The following CANX variants were observed in gnomAD, a reference collection of about 807,000 sequenced individuals.
CANX encodes calnexin.
Under a neutral mutation model 75.7 loss-of-function variants are expected in CANX, and 14 were observed. That is an observed-to-expected ratio of 0.19 (90% CI 0.12 to 0.29). The LOEUF is 0.29. Among genes scored for constraint, CANX ranks in the 10% least tolerant of loss-of-function variants. CANX has a pLI of 1.00. For synonymous variants in CANX, 227 were observed against 236.9 expected (o/e 0.96, Z 0.38); for missense variants, 567 against 713.2 (o/e 0.79, Z 2.34).
chr5:179,695,158 T>C (rs1581825646), upstream of CANX, among the ~76,000 whole-genome samples: 4 of 151,986 alleles, frequency 2.6e-5, no homozygotes, highest in South Asian at 8.3e-4. Context: ...CACGCCATTC[T>C]CCTGCCCCAG....
intron 1 of CANX, chr5:179,678,897 A>T: frequency 2.0e-6 from 3 of 1,534,900 alleles, no homozygotes; most frequent in Non-Finnish European, 1.7e-6. Context: ...TCAGTGGTCC[A>T]CCGCCCGCCG....
At chr5:179,704,946 AG>A in intron 1 of CANX, among the ~76,000 whole-genome samples, 1 of 152,178 alleles carries the variant, frequency 6.6e-6, no homozygotes, top group East Asian at 1.9e-4. Context: ...ATGATATTTG[AG>A]CAACCGTATC....
In CANX at chr5:179,708,397, T is replaced by C. The variant is rs1166910696; in HGVS notation, c.446+17T>C. 9 of 1,609,124 alleles carry C rather than the reference T, an allele frequency of 5.6e-6. No individual in the cohort carries two copies. In the Admixed American group the frequency reaches 6.7e-5, roughly 12 times the overall value. ...CATTGTTCAGTAAGTGAAATGCTTG[T>C]TGGATAAAAGCTTTCTGCAAAGGGT... is the stretch of plus-strand genomic sequence containing the variant. On this transcript the variant is annotated intron_variant, in intron 5 of 14. Coordinates refer to ENST00000247461, the MANE Select transcript of CANX (RefSeq NM_001746.4).
In CANX at chr5:179,708,225, G is replaced by A. The variant is rs1221668360; in HGVS notation, c.305-14G>A. 1 of 1,611,474 alleles carries A rather than the reference G, an allele frequency of 6.2e-7. No homozygotes were observed. The highest frequency in any genetic ancestry group is 8.5e-7 in the Non-Finnish European group (1 of 1,178,538). On this transcript the variant is annotated splice_polypyrimidine_tract_variant and intron_variant, in intron 4 of 14. Coordinates refer to ENST00000247461, the MANE Select transcript of CANX (RefSeq NM_001746.4). ...TAGAGTTAAGCAGTGGAACTTTTTTGTGTTGTCTTGTAGGAAAGTGGGAGG... is the reference window on the plus strand; with the variant it reads ...TAGAGTTAAGCAGTGGAACTTTTTTATGTTGTCTTGTAGGAAAGTGGGAGG...
At chr5:179,681,911 G>A (rs1776072657) in intron 1 of CANX, among the ~76,000 whole-genome samples, 1 of 148,142 alleles carries the variant, frequency 6.8e-6, no homozygotes. Flanking sequence ...TTGTGCCACT[G>A]CACTCCAGCA....
In CANX at chr5:179,719,820, TTTTG is replaced by T. The variant is rs778164792; in HGVS notation, c.1025+47_1025+50del. ...TTAACTTTTTTTAATTACCTGGTTT[TTTTG>T]TTTGTTTTTTTTTTTGAGATGGAGT... On this transcript the variant is annotated intron_variant, in intron 9 of 14. Coordinates refer to ENST00000247461, the MANE Select transcript of CANX (RefSeq NM_001746.4). The T allele has an allele frequency of 7.0e-6, 8 of 1,144,004 alleles. No individual in the cohort carries two copies. The African/African-American group carries it at 9.4e-5, about 13-fold the overall frequency. The allele number at this position is 1,144,004 out of a possible 1,614,324, so 70.9% of individuals were successfully genotyped here. A position where few individuals can be genotyped will look rare whatever the true frequency, so the allele number is the denominator to read the frequency against.
At chr5:179,698,952 G>T, upstream of CANX, 1 of 1,117,164 alleles carries the variant, frequency 9.0e-7, no homozygotes, top group East Asian at 9.7e-5. Flanking sequence ...GTGCGGTGGG[G>T]CTCGCTCGCG....
chr5:179,692,041 A>G (rs1412589857), intron 1 of CANX, among the ~76,000 whole-genome samples: 2 of 147,268 alleles, frequency 1.4e-5, no homozygotes, highest in African/African-American at 5.0e-5. Context: ...CAGCCTCCCA[A>G]AGTGCTGGGA....
chr5:179,716,943 G>A (rs1292675634), intron 8 of CANX, among the ~76,000 whole-genome samples: 1 of 152,206 alleles, frequency 6.6e-6, no homozygotes, highest in Non-Finnish European at 1.5e-5. Flanking sequence ...ATTGAAGAAT[G>A]TCGTATGCAG....
At chr5:179,698,675 A>G, upstream of CANX, 1 of 1,095,040 alleles carries the variant, frequency 9.1e-7, no homozygotes, top group South Asian at 1.3e-5. Context: ...ACGCCTGTTA[A>G]ACCAGCCCCG....
At chr5:179,706,061 A>T (rs1474217876) in intron 2 of CANX, among the ~76,000 whole-genome samples, 197 bp from the exon 3 acceptor site, 1 of 152,162 alleles carries the variant, frequency 6.6e-6, no homozygotes, top group Non-Finnish European at 1.5e-5. Flanking sequence ...TTTCAAAGGG[A>T]AAGCAAAATT....
chr5:179,722,771 T>C lies in CANX; in HGVS notation c.1183-33T>C, dbSNP rs781534699. 4.7e-6 allele frequency: 7 copies of C among 1,473,856 alleles called. No homozygotes were observed. The South Asian group carries it at 7.0e-5, about 15-fold the overall frequency. 91.3% of individuals were successfully genotyped at this position (1,473,856 alleles called of 1,614,324 possible). A position where few individuals can be genotyped will look rare whatever the true frequency, so the allele number is the denominator to read the frequency against. Reference sequence around the variant, plus strand: ...CCATAAACTTTTGTTGATCATTATCTGAAATGATTTTCTGAAACATTTTTT... The same window carrying C: ...CCATAAACTTTTGTTGATCATTATCCGAAATGATTTTCTGAAACATTTTTT... On this transcript the variant is annotated intron_variant, in intron 10 of 14. Coordinates refer to ENST00000247461, the MANE Select transcript of CANX (RefSeq NM_001746.4).
At chr5:179,705,263 G>A (rs896239469) in intron 1 of CANX, among the ~76,000 whole-genome samples, 2 of 152,218 alleles carry the variant, frequency 1.3e-5, no homozygotes, top group Non-Finnish European at 1.5e-5. Context: ...GATTACAGGC[G>A]TGAGCCACGG....
chr5:179,719,317 G>A (rs62404349), intron 8 of CANX, among the ~76,000 whole-genome samples: 18,407 of 152,102 alleles, frequency 0.12, 1,419 homozygotes, highest in Non-Finnish European at 0.18. Context: ...GTACTAAGTG[G>A]TATCGTTTTG....
At chr5:179,687,181 C>T (rs980835490) in intron 1 of CANX, among the ~76,000 whole-genome samples, 1 of 152,058 alleles carries the variant, frequency 6.6e-6, no homozygotes. Context: ...TGGCTCACTG[C>T]GACCTCCACC....
chr5:179,705,698 T>G lies in CANX; in HGVS notation c.17T>G (p.Leu6Trp). The change falls in exon 2 of 15, where the codon TTG (leucine) becomes TGG (tryptophan). Residue 6 changes from leucine to tryptophan, a missense_variant. Leu to Trp is a moderately conservative substitution (Grantham distance 61). Coordinates refer to ENST00000247461, the MANE Select transcript of CANX (RefSeq NM_001746.4). Reference protein sequence around the residue: MEGKWLLCMLLVLGTA... With the variant: MEGKWWLCMLLVLGTA... Reference sequence around the variant, plus strand: ...GTGTAGATCATGGAAGGGAAGTGGTTGCTGTGTATGTTACTGGTGCTTGGA... The same window carrying G: ...GTGTAGATCATGGAAGGGAAGTGGTGGCTGTGTATGTTACTGGTGCTTGGA... 1 of 1,539,752 alleles carries G rather than the reference T, an allele frequency of 6.5e-7. No homozygotes were observed. The highest frequency in any genetic ancestry group is 1.8e-5 in the Admixed American group (1 of 54,938).
chr5:179,721,773 T>C (rs1476296278), intron 10 of CANX, among the ~76,000 whole-genome samples: 1 of 152,142 alleles, frequency 6.6e-6, no homozygotes, highest in Admixed American at 6.5e-5. Flanking sequence ...GCAATTAAAA[T>C]TATTTATAAT....
intron 1 of CANX, chr5:179,680,738 G>T: frequency 3.2e-6 from 2 of 630,986 alleles, no homozygotes; most frequent in Admixed American, 2.7e-5. Context: ...GCTATGTGTT[G>T]TTTCTAATTC....
At chr5:179,710,879 C>G (rs1422547477) in intron 7 of CANX, among the ~76,000 whole-genome samples, 2 of 151,136 alleles carry the variant, frequency 1.3e-5, no homozygotes, top group African/African-American at 4.9e-5. Context: ...ATGGTAAAAC[C>G]CCGTCTCTAC....
Sources: allele counts gnomAD v4.1 joint callset (sites outside exome capture counted in the v4.1 genomes callset), GRCh38; gene constraint gnomAD v4.1.1; transcripts MANE v1.5; gene names NCBI Gene and HGNC (gene_info 2026-07-23, HGNC 2026-07-21).